SMARCA2: variants seen among roughly 807,000 people sequenced by gnomAD.
The protein encoded by SMARCA2 is SWI/SNF related BAF chromatin remodeling complex subunit ATPase 2, also known as SWI/SNF-related matrix-associated actin-dependent regulator of chromatin subfamily A member 2.
SMARCA2 carries 61 observed loss-of-function variants against 199.8 expected under a neutral mutation model. The observed-to-expected ratio is 0.31, with a 90% confidence interval of 0.25 to 0.38. The LOEUF (loss-of-function observed/expected upper bound fraction) is 0.38, where lower values mean the gene tolerates loss of function less well. Ranked by LOEUF, SMARCA2 falls within the 10% of genes least tolerant of loss-of-function variation. The pLI is 1.00. For missense variants in SMARCA2, 1,344 were observed against 2,012.2 expected (o/e 0.67, Z 6.35); for synonymous variants, 935 against 732.0 (o/e 1.28, Z -4.48).
chr9:2,117,163 C>A (rs1010359433), intron 25 of SMARCA2, among the ~76,000 whole-genome samples: 1 of 151,934 alleles, frequency 6.6e-6, no homozygotes, highest in Non-Finnish European at 1.5e-5. Context: ...TAAGTCCAGC[C>A]GTTGTTAAGC....
At chr9:2,178,779 G>T (rs566259076) in intron 29 of SMARCA2, among the ~76,000 whole-genome samples, 76 of 152,052 alleles carry the variant, frequency 5.0e-4, no homozygotes, top group Non-Finnish European at 9.3e-4. Context: ...GCAAGTGTTC[G>T]TGCTACCTCA....
chr9:2,167,998 A>G (rs1586781583), intron 28 of SMARCA2, among the ~76,000 whole-genome samples: 1 of 150,930 alleles, frequency 6.6e-6, no homozygotes. Flanking sequence ...CATTATAATA[A>G]TATTTACCTG....
intron 15 of SMARCA2, among the ~76,000 whole-genome samples, chr9:2,082,457 T>C (rs1821609440): frequency 6.6e-6 from 1 of 152,208 alleles, no homozygotes; most frequent in Non-Finnish European, 1.5e-5. Context: ...AGTTTTGCAT[T>C]AAAATAACCT....
Position 2,119,652 on chromosome 9 carries a change from T to C in SMARCA2, c.3762+117T>C. 1 of 681,966 alleles carries C rather than the reference T, an allele frequency of 1.5e-6. No individual in the cohort carries two copies. The highest frequency in any genetic ancestry group is 2.6e-6 in the Non-Finnish European group (1 of 384,686). The allele number at this position is 681,966 out of a possible 1,614,324, so 42.2% of individuals were successfully genotyped here. A position where few individuals can be genotyped will look rare whatever the true frequency, so the allele number is the denominator to read the frequency against. The stretch of plus-strand genomic sequence containing the variant: ...AACTTCATACGTAAAGCCTATGCCT[T>C]TCCTTCAGTTCAGAGGCTGCAAACT... On this transcript the variant is annotated intron_variant, in intron 26 of 33. Transcript: ENST00000349721. This position sits in a 1 kb window ranked among gnomAD's most constrained non-coding sequence, Gnocchi z 4.6.
At chr9:2,038,059 T>C (rs1281606638) in intron 3 of SMARCA2, among the ~76,000 whole-genome samples, 1 of 152,234 alleles carries the variant, frequency 6.6e-6, no homozygotes, top group Non-Finnish European at 1.5e-5. Context: ...AACAGTTTAC[T>C]CTCATTTTTA....
chr9:2,135,994 A>C (rs1427787677), intron 27 of SMARCA2, among the ~76,000 whole-genome samples: 1 of 151,514 alleles, frequency 6.6e-6, no homozygotes, highest in Non-Finnish European at 1.5e-5. Flanking sequence ...GGCGAGTGCC[A>C]CCACGCCCGG....
chr9:2,176,797 A>T (rs534682052), intron 29 of SMARCA2, among the ~76,000 whole-genome samples: 1 of 151,664 alleles, frequency 6.6e-6, no homozygotes, highest in African/African-American at 2.4e-5. Flanking sequence ...AGCTCAAGTG[A>T]TCAGCCTGCC....
At chr9:2,035,799 A>G (rs1299481742) in intron 3 of SMARCA2, among the ~76,000 whole-genome samples, 1 of 152,218 alleles carries the variant, frequency 6.6e-6, no homozygotes, top group African/African-American at 2.4e-5. Flanking sequence ...TAAAATAGTG[A>G]AGTGCATTGT....
chr9:2,050,273 A>G (rs1820057298), intron 5 of SMARCA2, among the ~76,000 whole-genome samples: 1 of 151,534 alleles, frequency 6.6e-6, no homozygotes, highest in South Asian at 2.1e-4. Flanking sequence ...CTTATAATGG[A>G]ACTTTATTAC....
chr9:2,131,702 C>T (rs992317872), intron 27 of SMARCA2, among the ~76,000 whole-genome samples: 6 of 152,060 alleles, frequency 3.9e-5, no homozygotes, highest in Non-Finnish European at 7.4e-5. Context: ...AAAATGAGGC[C>T]GGGTGCGGTG....
At chr9:2,102,943 G>C (rs966837837) in intron 22 of SMARCA2, among the ~76,000 whole-genome samples, 9 of 147,428 alleles carry the variant, frequency 6.1e-5, no homozygotes, top group African/African-American at 2.2e-4. Context: ...CCTCACTTCT[G>C]TTTAAGCCAT....
rs927286912 is a variant in SMARCA2, at chr9:2,088,640, G to T, written c.2883+27G>T. ...TATGTTGCACAACCAAAAGTTGTGG[G>T]TTTTTTTTTTCCTCCAGCAAATATA... On this transcript the variant is annotated intron_variant, in intron 19 of 33. Transcript: ENST00000349721. The T allele has an allele frequency of 2.6e-5, 36 of 1,396,128 alleles. No individual in the cohort carries two copies. Among genetic ancestry groups the T allele is most frequent in the Middle Eastern group, 3.7e-4 (2 of 5,462 alleles). 86.5% of individuals were successfully genotyped at this position (1,396,128 alleles called of 1,614,324 possible).
In SMARCA2 at chr9:2,169,872, C is replaced by T. The variant is rs953778657; in HGVS notation, c.4200-547C>T. On this transcript the variant is annotated intron_variant, in intron 28 of 33. Transcript: ENST00000349721. This position sits in a 1 kb window ranked among gnomAD's most constrained non-coding sequence, Gnocchi z 6.5. ...CACTAAAGATCATGAATTCAGTGAT[C>T]TCTCGAAAAGGAATAGAGCTCTTGG... Among the ~76,000 whole-genome samples, 20 of 152,178 alleles carry T rather than the reference C, an allele frequency of 1.3e-4. No homozygotes were observed. The highest frequency in any genetic ancestry group is 2.1e-4 in the Non-Finnish European group (14 of 68,024).
chr9:2,081,795 G>T (rs1379419468), intron 14 of SMARCA2, 37 bp from the exon 15 acceptor site: 26 of 1,600,126 alleles, frequency 1.6e-5, no homozygotes, highest in Non-Finnish European at 2.1e-5. Flanking sequence ...TACCTGTGCA[G>T]ATCTTGGATA....
In SMARCA2 at chr9:2,149,364, A is replaced by T. The variant is rs561495051; in HGVS notation, c.3982-12322A>T. Among the ~76,000 whole-genome samples, 4 of 151,066 alleles carry T rather than the reference A, an allele frequency of 2.6e-5. No homozygotes were observed. In the East Asian group the frequency reaches 7.7e-4, roughly 29 times the overall value. ...GAAACCCCATCTCTACAAAAATATA[A>T]AAAAAATTAGCCAGGCATGATGGTG... On this transcript the variant is annotated intron_variant, in intron 27 of 33. Coordinates refer to ENST00000349721, the MANE Select transcript of SMARCA2 (RefSeq NM_003070.5).
chr9:2,152,422 T>C (rs370668493), intron 27 of SMARCA2, among the ~76,000 whole-genome samples: 1 of 151,494 alleles, frequency 6.6e-6, no homozygotes, highest in Non-Finnish European at 1.5e-5. Context: ...GTGTGGTGGC[T>C]CATGGCTCAT....
At chr9:2,149,186 A>G (rs1443847990) in intron 27 of SMARCA2, among the ~76,000 whole-genome samples, 1 of 151,262 alleles carries the variant, frequency 6.6e-6, no homozygotes, top group Non-Finnish European at 1.5e-5. Flanking sequence ...GGCACTTCTT[A>G]CATGGTGGCG....
rs1827995464 is a variant in SMARCA2, at chr9:2,192,951, GGGCC to G, written c.*213_*216del. ...TATTTGTAACATATTGTGACCAAAT[GGGCC>G]TCAAAGATTCAGATTGAAACAAACA... On this transcript the variant is annotated 3_prime_UTR_variant, in exon 34 of 34. Transcript: ENST00000349721. 2 of 505,968 alleles carry G rather than the reference GGGCC, an allele frequency of 4.0e-6. No homozygotes were observed. The highest frequency in any genetic ancestry group is 3.8e-5 in the Admixed American group (1 of 26,414). The allele number at this position is 505,968 out of a possible 1,614,324, so 31.3% of individuals were successfully genotyped here.
rs959492817 is a variant in SMARCA2, at chr9:2,039,420, G to A, written c.356-46G>A. 3.8e-6 allele frequency: 6 copies of A among 1,577,046 alleles called. No individual in the cohort carries two copies. In the African/African-American group the frequency reaches 8.1e-5, roughly 21 times the overall value. On this transcript the variant is annotated intron_variant, in intron 3 of 33. Transcript: ENST00000349721. This position sits in a 1 kb window ranked among gnomAD's most constrained non-coding sequence, Gnocchi z 4.8. Reference sequence around the variant, plus strand: ...AGTATTCAGGGATATCTCTCTTTCAGGGTTGTCAGGGGCAGCCTGTGATTT... The same window carrying A: ...AGTATTCAGGGATATCTCTCTTTCAAGGTTGTCAGGGGCAGCCTGTGATTT...
Sources: gnomAD v4.1 joint callset for allele counts (sites outside exome capture counted in the v4.1 genomes callset) on GRCh38, gnomAD v4.1.1 for gene constraint, Gnocchi (gnomAD v3.1) non-coding constraint, MANE v1.5 for transcripts, NCBI Gene and HGNC (gene_info 2026-07-23, HGNC 2026-07-21) for gene names.